Variants in DCHS2 observed in about 807,000 individuals in gnomAD.
DCHS2 encodes the protein protocadherin-23.
DCHS2 carries 142 observed loss-of-function variants against 182.4 expected under a neutral mutation model. The observed-to-expected ratio is 0.78, with a 90% CI of 0.68 to 0.89. The LOEUF is 0.89. Ranked by LOEUF, DCHS2 falls within the 40% of genes least tolerant of loss-of-function variation. DCHS2 has a pLI of 0.00. For synonymous variants in DCHS2, 1,740 were observed against 1,663.3 expected, an observed-to-expected ratio of 1.05 and a Z score of -1.12; for missense variants, 4,319 against 4,198.6, an observed-to-expected ratio of 1.03 and a Z score of -0.79.
At chr4:154,379,290 C>G (rs900991060) in intron 1 of DCHS2, among the ~76,000 whole-genome samples, 1 of 152,184 alleles carries the variant, frequency 6.6e-6, no homozygotes, top group Non-Finnish European at 1.5e-5. Flanking sequence ...TGGCTTTTAA[C>G]TTCTTTGGCC....
Position 154,320,994 on chromosome 4 carries a change from AATC to A in DCHS2, c.4402_4404del (p.Asp1468del), listed in dbSNP as rs1736040164. On this transcript the variant is annotated inframe_deletion, in exon 9 of 20. Coordinates refer to ENST00000357232, the MANE Select transcript of DCHS2 (RefSeq NM_001358235.2). ...AAAAGATAATGAGATGTCGTCTCAT[AATC>A]AAGTTCCTTAGAAAGAAACAAGTCT... The A allele has an allele frequency of 6.2e-7, 1 of 1,613,940 alleles. No homozygotes were observed. Among genetic ancestry groups the A allele is most frequent in the Non-Finnish European group, 8.5e-7 (1 of 1,179,984 alleles).
At position 154,489,709 on chromosome 4, in the gene DCHS2, G is replaced by A. The variant is rs1271572142; in HGVS notation, c.1647C>T (p.Ser549=). The part of the protein sequence containing the change: ...FSQQHYKASV[S]EAAAPGTVVM... ...CTACAGTGCCAGGGGCCGCGGCCTC[G>A]GACACTGAGGCCTTGTAATGCTGTT... The change falls in exon 1 of 20, where the codon TCC becomes TCT. Residue 549 remains serine, a synonymous_variant. Coordinates refer to ENST00000357232, the MANE Select transcript of DCHS2 (RefSeq NM_001358235.2). 4 of 1,551,562 alleles carry A rather than the reference G, an allele frequency of 2.6e-6. No homozygotes were observed. The highest frequency in any genetic ancestry group is 3.5e-6 in the Non-Finnish European group (4 of 1,147,002).
intron 1 of DCHS2, among the ~76,000 whole-genome samples, chr4:154,438,208 AGGTAT>A (rs1733861415): frequency 6.6e-6 from 1 of 152,140 alleles, no homozygotes; most frequent in Non-Finnish European, 1.5e-5. Context: ...AAATGGCACA[AGGTAT>A]GGTGAAAAGT....
chr4:154,359,527 G>A (rs1730022779), intron 3 of DCHS2, among the ~76,000 whole-genome samples: 2 of 152,054 alleles, frequency 1.3e-5, no homozygotes, highest in South Asian at 4.1e-4. Context: ...AACAGATACG[G>A]AGTTTAAAAG....
chr4:154,313,498 T>C (rs1258325673), intron 10 of DCHS2, among the ~76,000 whole-genome samples: 2 of 152,136 alleles, frequency 1.3e-5, no homozygotes. Context: ...ACTGTGGTAT[T>C]TTTTTAAAAA....
In DCHS2 at chr4:154,422,701, G is replaced by C. The variant is rs138522157; in HGVS notation, c.2053-45257C>G. Among the ~76,000 whole-genome samples the C allele has an allele frequency of 3.7e-3, 571 of 152,274 alleles. 2 individuals carry two copies. The highest frequency in any genetic ancestry group is 9.7e-3 in the African/African-American group (405 of 41,550). Reference sequence around the variant, plus strand: ...TGACCTGGCCTTGCTGCCTCACCAGGCTTGCTCATGATGCTCTCCTCCCTC... The same window carrying C: ...TGACCTGGCCTTGCTGCCTCACCAGCCTTGCTCATGATGCTCTCCTCCCTC... On this transcript the variant is annotated intron_variant, in intron 1 of 19. Coordinates refer to ENST00000357232, the MANE Select transcript of DCHS2 (RefSeq NM_001358235.2).
chr4:154,427,767 T>C (rs1733390739), intron 1 of DCHS2, among the ~76,000 whole-genome samples: 1 of 152,148 alleles, frequency 6.6e-6, no homozygotes, highest in Non-Finnish European at 1.5e-5. Context: ...GTCTGAAGAC[T>C]CCTTCTACCA....
chr4:154,459,082 G>T (rs956184859), intron 1 of DCHS2, among the ~76,000 whole-genome samples: 2 of 152,090 alleles, frequency 1.3e-5, no homozygotes, highest in African/African-American at 4.8e-5. Flanking sequence ...CACAATGGAG[G>T]CCAGAATTTT....
Position 154,232,978 on chromosome 4 carries a change from C to CTT in DCHS2, c.*1556_*1557dup, listed in dbSNP as rs1731264518. 6.6e-6 allele frequency: 1 copy of CTT among 152,124 alleles called. No individual in the cohort carries two copies. The highest frequency in any genetic ancestry group is 2.1e-4 in the South Asian group (1 of 4,822). The allele number at this position is 152,124 out of a possible 1,614,324, so 9.4% of individuals were successfully genotyped here. On this transcript the variant is annotated 3_prime_UTR_variant, in exon 20 of 20. Transcript: ENST00000357232. ...ATCAGCATAGGAAGCTGTAGAATTA[C>CTT]TTATCTACAAAACCAGACATCAAAC...
intron 1 of DCHS2, among the ~76,000 whole-genome samples, chr4:154,427,445 T>G (rs1733376873): frequency 6.6e-6 from 1 of 152,224 alleles, no homozygotes. Context: ...TTTCCGTATG[T>G]CACTTTCCTT....
At chr4:154,412,748 G>A (rs1490159600) in intron 1 of DCHS2, among the ~76,000 whole-genome samples, 1 of 152,118 alleles carries the variant, frequency 6.6e-6, no homozygotes. Flanking sequence ...ATAGTATCTG[G>A]CATATAACAA....
intron 3 of DCHS2, among the ~76,000 whole-genome samples, chr4:154,353,604 T>C (rs1209680906): frequency 6.6e-6 from 1 of 152,228 alleles, no homozygotes; most frequent in Non-Finnish European, 1.5e-5. Flanking sequence ...TCTTTGTCTC[T>C]TTCCTTTGGT....
rs142241920 is a variant in DCHS2, at chr4:154,366,374, A to G, written c.2312T>C (p.Phe771Ser). The change falls in exon 3 of 20, where the codon TTT becomes TCT. Residue 771 changes from phenylalanine (F) to serine (S), a missense_variant. Coordinates refer to ENST00000357232, the MANE Select transcript of DCHS2 (RefSeq NM_001358235.2). ...GCTCGTCACATAGGTTGATGGGTTA[A>G]ACACAGGATGATTATCATTCACGTC... ...LEDVNDNHPV[F>S]NPSTYVTSIS... The G allele has an allele frequency of 8.7e-6, 14 of 1,613,828 alleles. No individual in the cohort carries two copies. The African/African-American group carries it at 1.7e-4, about 20-fold the overall frequency.
chr4:154,451,606 A>G (rs1039115068), intron 1 of DCHS2, among the ~76,000 whole-genome samples: 6 of 152,268 alleles, frequency 3.9e-5, no homozygotes, highest in Admixed American at 6.5e-5. Flanking sequence ...AGATGCTTCC[A>G]CATGACATGC....
At chr4:154,281,297 C>T (rs1415447195) in intron 13 of DCHS2, among the ~76,000 whole-genome samples, 1 of 152,026 alleles carries the variant, frequency 6.6e-6, no homozygotes, top group African/African-American at 2.4e-5. Context: ...CCCTAAAGAT[C>T]CCACAAGAAA....
intron 2 of DCHS2, chr4:154,374,055 A>G (rs1241934914): frequency 9.7e-7 from 1 of 1,029,674 alleles, no homozygotes; most frequent in South Asian, 1.6e-5. Context: ...CTATATCTAC[A>G]ATACCAGAAA....
At chr4:154,290,346 T>A (rs1203912403) in intron 13 of DCHS2, among the ~76,000 whole-genome samples, 3 of 152,080 alleles carry the variant, frequency 2.0e-5, no homozygotes, top group Admixed American at 2.0e-4. Flanking sequence ...AGAATCACTA[T>A]TTTTAAAATG....
chr4:154,470,451 G>C (rs1204785269), intron 1 of DCHS2, among the ~76,000 whole-genome samples: 1 of 149,190 alleles, frequency 6.7e-6, no homozygotes, highest in East Asian at 2.0e-4. Flanking sequence ...TTGCACCACT[G>C]TACTTCAGCC....
intron 7 of DCHS2, among the ~76,000 whole-genome samples, chr4:154,326,937 A>T (rs181392728): frequency 6.7e-4 from 102 of 152,298 alleles, no homozygotes; most frequent in Non-Finnish European, 1.1e-3. Context: ...TTTGATTGAA[A>T]TCATACTGAA....
Sources: allele counts gnomAD v4.1 joint callset (sites outside exome capture counted in the v4.1 genomes callset), GRCh38; gene constraint gnomAD v4.1.1; transcripts MANE v1.5; gene names NCBI Gene and HGNC (gene_info 2026-07-23, HGNC 2026-07-21).